The following CHRNB4 variants were observed in gnomAD, a reference collection of about 807,000 sequenced individuals.
CHRNB4 encodes cholinergic receptor nicotinic beta 4 subunit.
In CHRNB4, 23 loss-of-function variants were observed where a neutral mutation model predicts 40.4. The observed-to-expected ratio is 0.57, with a 90% CI of 0.41 to 0.81. The LOEUF (loss-of-function observed/expected upper bound fraction) is 0.81, where lower values mean the gene tolerates loss of function less well. Ranked by LOEUF, CHRNB4 falls within the 30% of genes least tolerant of loss-of-function variation. The pLI is 0.00. For missense variants in CHRNB4, 568 were observed against 670.6 expected, an observed-to-expected ratio of 0.85 and a Z score of 1.69; for synonymous variants, 285 against 274.4, an observed-to-expected ratio of 1.04 and a Z score of -0.38.
At chr15:78,641,230 C>G, upstream of CHRNB4, 3 of 1,173,008 alleles carry the variant, frequency 2.6e-6, no homozygotes, top group South Asian at 5.7e-5. Context: ...TCCTGGCCCC[C>G]GAGGTTTGCT....
rs370962399 is a variant in CHRNB4, at chr15:78,652,289, GCTGGCTGCTTTATAGATCA to G, written c.-16+270_-16+288del. 3.7e-3 allele frequency among the ~76,000 whole-genome samples: 564 copies of G among 152,178 alleles called. 18 individuals are homozygous for G. The East Asian group carries it at 0.083, about 22-fold the overall frequency. ...GCCTCAAGGCTGAACCTCAACCTTC[GCTGGCTGCTTTATAGATCA>G]CTGGCTGCTTTATAGATCAGAGTCA... On this transcript the variant is annotated intron_variant and NMD_transcript_variant, in intron 6 of 11. Transcript: ENST00000559849.
At chr15:78,661,209 G>A, upstream of CHRNB4, 1 of 610,614 alleles carries the variant, frequency 1.6e-6, no homozygotes, top group Non-Finnish European at 3.2e-6. Flanking sequence ...TGGTGCTGCT[G>A]CCCTTGGGGG....
chr15:78,651,156 G>A (rs2054168694), intron 6 of CHRNB4, among the ~76,000 whole-genome samples: 1 of 152,136 alleles, frequency 6.6e-6, no homozygotes, highest in East Asian at 1.9e-4. Flanking sequence ...CTATGACTCT[G>A]ATCTATAAAG....
At chr15:78,661,388 C>A, upstream of CHRNB4, 1 of 526,616 alleles carries the variant, frequency 1.9e-6, no homozygotes, top group South Asian at 1.7e-5. Context: ...TTTGTTTTCC[C>A]GGCCAGGAAG....
intron 1 of CHRNB4, 52 bp from the exon 2 acceptor site, chr15:78,635,639 C>T (rs535148141): frequency 8.1e-6 from 13 of 1,605,992 alleles, no homozygotes; most frequent in Non-Finnish European, 1.1e-5. Context: ...CTGACCCCCA[C>T]TGCAGCCTGT....
In CHRNB4 at chr15:78,654,672, G is replaced by A. The variant is rs1366543413; in HGVS notation, c.-110+872C>T. Among the ~76,000 whole-genome samples, 3 of 152,166 alleles carry A rather than the reference G, an allele frequency of 2.0e-5. No individual in the cohort carries two copies. In the East Asian group the frequency reaches 5.8e-4, roughly 29 times the overall value. ...AGTCCAGATCATCCCTATACTGTCT[G>A]TAACTACAGCACTCATCTAAGGTCT... is the stretch of plus-strand genomic sequence containing the variant. On this transcript the variant is annotated intron_variant and NMD_transcript_variant, in intron 5 of 11. Coordinates refer to the CHRNB4 transcript ENST00000559849.
At chr15:78,646,919 T>C (rs913990829) in intron 7 of CHRNB4, among the ~76,000 whole-genome samples, 11 of 152,120 alleles carry the variant, frequency 7.2e-5, no homozygotes, top group African/African-American at 2.7e-4. Flanking sequence ...AGCAGGAGGA[T>C]TGCTTGAGCC....
At position 78,639,541 on chromosome 15, in the gene CHRNB4, G is replaced by A. The variant is rs374609728; in HGVS notation, c.55+1538C>T. ...TCTCGATCTCCTGACCTCGTGATCC[G>A]CCCGCCTCTGCCTCCCAAAGTGCTG... On this transcript the variant is annotated intron_variant, in intron 1 of 5. Transcript: ENST00000261751. Among the ~76,000 whole-genome samples, 18 of 152,034 alleles carry A rather than the reference G, an allele frequency of 1.2e-4. No homozygotes were observed. In the East Asian group the frequency reaches 2.5e-3, roughly 21 times the overall value.
In CHRNB4 at chr15:78,629,351, A is replaced by G; in HGVS notation, c.954T>C (p.Asn318=). 1.9e-6 allele frequency: 3 copies of G among 1,614,102 alleles called. No homozygotes were observed. The highest frequency in any genetic ancestry group is 2.5e-6 in the Non-Finnish European group (3 of 1,180,026). The change falls in exon 5 of 6, where the codon AAT becomes AAC. Residue 318 remains asparagine, a synonymous_variant. Coordinates refer to ENST00000261751, the MANE Select transcript of CHRNB4 (RefSeq NM_000750.5). This position sits in a 1 kb window ranked among gnomAD's most constrained non-coding sequence, Gnocchi z 6.8. ...GGGTGCTGGGCGAGCGGTGGTGCAC[A>G]TTGAGCACACAGACGCTGGTGACGA... ...FSIVTSVCVL[N]VHHRSPSTHT...
intron 5 of CHRNB4, among the ~76,000 whole-genome samples, chr15:78,654,714 TAA>T (rs983606844): frequency 3.3e-5 from 5 of 152,150 alleles, no homozygotes; most frequent in African/African-American, 1.2e-4. Flanking sequence ...AGAGCTTTTT[TAA>T]AAAAACTTTT....
intron 1 of CHRNB4, among the ~76,000 whole-genome samples, chr15:78,637,052 T>G (rs1341681485): frequency 6.6e-6 from 1 of 152,158 alleles, no homozygotes; most frequent in African/African-American, 2.4e-5. Flanking sequence ...GTAAGGTCCC[T>G]CTGAGACACC....
intron 1 of CHRNB4, among the ~76,000 whole-genome samples, chr15:78,638,323 T>C (rs566301741): frequency 6.6e-6 from 1 of 152,264 alleles, no homozygotes; most frequent in Non-Finnish European, 1.5e-5. Context: ...CCACCAGCTG[T>C]GGGCTTGAGT....
chr15:78,641,160 C>A lies in CHRNB4; in HGVS notation c.-27G>T, dbSNP rs764898935. ...GCCGGCGGGGCCGGGTGGCAGCCGC[C>A]GCGAGCTCCGCTGTGGGGTCACAGG... On this transcript the variant is annotated 5_prime_UTR_variant, in exon 1 of 6. Transcript: ENST00000261751. The A allele has an allele frequency of 3.9e-6, 6 of 1,537,090 alleles. No individual in the cohort carries two copies. The highest frequency in any genetic ancestry group is 5.3e-6 in the Non-Finnish European group (6 of 1,142,696).
chr15:78,653,036 C>T (rs959678267), intron 5 of CHRNB4, among the ~76,000 whole-genome samples: 8 of 152,124 alleles, frequency 5.3e-5, no homozygotes, highest in Middle Eastern at 3.2e-3. Context: ...GTTGTCACCC[C>T]GCTCATAGGG....
At position 78,629,363 on chromosome 15, in the gene CHRNB4, G is replaced by C. The variant is rs764082448; in HGVS notation, c.942C>G (p.Val314=). ...VLVTFSIVTS[V]CVLNVHHRSP... ...AGCGGTGGTGCACATTGAGCACACA[G>C]ACGCTGGTGACGATGGAGAAGGTGA... The change falls in exon 5 of 6, where the codon GTC becomes GTG. Residue 314 remains valine (V), a synonymous_variant. Transcript: ENST00000261751. The surrounding 1 kb of genome is among the most constrained non-coding windows in gnomAD (Gnocchi z 6.8). 1.2e-6 allele frequency: 2 copies of C among 1,614,016 alleles called. No individual in the cohort carries two copies. Among genetic ancestry groups the C allele is most frequent in the African/African-American group, 2.7e-5 (2 of 74,902 alleles).
intron 5 of CHRNB4, among the ~76,000 whole-genome samples, chr15:78,654,954 A>C: frequency 6.6e-6 from 1 of 151,794 alleles, no homozygotes; most frequent in Middle Eastern, 3.2e-3. Flanking sequence ...GTTTCCCCCC[A>C]CCCCAACTTT....
At chr15:78,650,195 C>T (rs939857194) in intron 6 of CHRNB4, among the ~76,000 whole-genome samples, 7 of 152,200 alleles carry the variant, frequency 4.6e-5, no homozygotes, top group African/African-American at 1.4e-4. Context: ...CCGTGACTGT[C>T]GTGTGCCCTT....
At chr15:78,645,748 A>G (rs891114389), upstream of CHRNB4, among the ~76,000 whole-genome samples, 2 of 152,058 alleles carry the variant, frequency 1.3e-5, no homozygotes, top group Non-Finnish European at 2.9e-5. Flanking sequence ...AACCCAAATG[A>G]ATATATTTTT....
At chr15:78,661,434 C>T (rs901174637), upstream of CHRNB4, 4 of 513,614 alleles carry the variant, frequency 7.8e-6, no homozygotes, top group East Asian at 4.5e-5. Context: ...ACAGAGTGAC[C>T]GGTTGGTGCG....
Sources: gnomAD v4.1 joint callset for allele counts (sites outside exome capture counted in the v4.1 genomes callset) on GRCh38, gnomAD v4.1.1 for gene constraint, Gnocchi (gnomAD v3.1) non-coding constraint, MANE v1.5 for transcripts, NCBI Gene and HGNC (gene_info 2026-07-23, HGNC 2026-07-21) for gene names.